ZFYVE9: variants seen among roughly 807,000 people sequenced by gnomAD.
ZFYVE9 encodes zinc finger FYVE-type containing 9.
Under a neutral mutation model 126.7 loss-of-function variants are expected in ZFYVE9, and 43 were observed. The ratio of observed to expected loss-of-function variants is 0.34; its 90% CI spans 0.27 to 0.44. The LOEUF is 0.44. Among genes scored for constraint, ZFYVE9 ranks in the 20% least tolerant of loss-of-function variants. ZFYVE9 has a pLI of 1.00. For missense variants in ZFYVE9, 1,476 were observed against 1,697.0 expected (o/e 0.87, Z 2.29); for synonymous variants, 521 against 597.4 (o/e 0.87, Z 1.87).
intron 4 of ZFYVE9, chr1:52,252,759 C>A: frequency 4.3e-6 from 2 of 465,124 alleles, no homozygotes; most frequent in South Asian, 3.3e-5. Context: ...CGACTGCTAC[C>A]ACTGTACTGG....
At chr1:52,302,886 G>C (rs934906092) in intron 12 of ZFYVE9, among the ~76,000 whole-genome samples, 1 of 152,090 alleles carries the variant, frequency 6.6e-6, no homozygotes, top group Non-Finnish European at 1.5e-5. Flanking sequence ...GAGGCAGGTG[G>C]ATCACCTGAG....
At chr1:52,273,838 AT>A (rs1312236878) in intron 7 of ZFYVE9, among the ~76,000 whole-genome samples, 21 of 145,148 alleles carry the variant, frequency 1.4e-4, no homozygotes, top group East Asian at 4.9e-4. Context: ...AAAAAAAAAA[AT>A]GAACTTCAAG....
chr1:52,178,459 G>A (rs963653659), intron 1 of ZFYVE9, among the ~76,000 whole-genome samples: 6 of 151,434 alleles, frequency 4.0e-5, no homozygotes, highest in African/African-American at 1.5e-4. Flanking sequence ...GGCCTCCTGA[G>A]TAGCTAGGAC....
intron 12 of ZFYVE9, among the ~76,000 whole-genome samples, chr1:52,300,026 C>T (rs569285334): frequency 6.6e-6 from 1 of 152,248 alleles, no homozygotes; most frequent in African/African-American, 2.4e-5. Flanking sequence ...GTAGTCCTTC[C>T]TGACTCCAGG....
chr1:52,239,614 C>T lies in ZFYVE9; in HGVS notation c.2178+19C>T. 2 of 1,595,156 alleles carry T rather than the reference C, an allele frequency of 1.3e-6. No individual in the cohort carries two copies. The highest frequency in any genetic ancestry group is 1.7e-6 in the Non-Finnish European group (2 of 1,168,496). On this transcript the variant is annotated intron_variant, in intron 4 of 18. Transcript: ENST00000287727. Reference sequence around the variant, plus strand: ...TGGGAAGGTAAGTTGCATGTATACACTCAGAAATCGGGCATGCACATTTTG... The same window carrying T: ...TGGGAAGGTAAGTTGCATGTATACATTCAGAAATCGGGCATGCACATTTTG...
intron 4 of ZFYVE9, among the ~76,000 whole-genome samples, chr1:52,243,776 A>G (rs1390744274): frequency 1.3e-5 from 2 of 151,912 alleles, no homozygotes. Flanking sequence ...AAAAAAAAAA[A>G]TGCTGATGAG....
chr1:52,308,149 C>T (rs967496770), intron 13 of ZFYVE9, among the ~76,000 whole-genome samples: 3 of 152,126 alleles, frequency 2.0e-5, no homozygotes, highest in Non-Finnish European at 2.9e-5. Flanking sequence ...TCTAATAATT[C>T]CACTTCATAG....
chr1:52,160,105 C>A (rs541469249), intron 1 of ZFYVE9, among the ~76,000 whole-genome samples: 1 of 152,012 alleles, frequency 6.6e-6, no homozygotes, highest in Non-Finnish European at 1.5e-5. Flanking sequence ...TTATCCTTGT[C>A]CTTGATTATA....
At chr1:52,290,998 T>C (rs758641759) in intron 10 of ZFYVE9, among the ~76,000 whole-genome samples, 5 of 152,186 alleles carry the variant, frequency 3.3e-5, no homozygotes, top group Non-Finnish European at 5.9e-5. Flanking sequence ...TTCAAACCCA[T>C]ATCTCTGGGA....
At chr1:52,212,088 A>G (rs1645033623) in intron 1 of ZFYVE9, among the ~76,000 whole-genome samples, 1 of 152,168 alleles carries the variant, frequency 6.6e-6, no homozygotes, top group South Asian at 2.1e-4. Context: ...TTAGATCCTT[A>G]TCTTTCCCAT....
At chr1:52,187,850 G>A (rs1276218636) in intron 1 of ZFYVE9, among the ~76,000 whole-genome samples, 1 of 152,194 alleles carries the variant, frequency 6.6e-6, no homozygotes, top group Non-Finnish European at 1.5e-5. Flanking sequence ...ATACACTGTT[G>A]GTGGGAGTGT....
At chr1:52,294,389 A>G (rs994407979) in intron 11 of ZFYVE9, among the ~76,000 whole-genome samples, 1 of 152,210 alleles carries the variant, frequency 6.6e-6, no homozygotes, top group Non-Finnish European at 1.5e-5. Flanking sequence ...AAATGAGAGA[A>G]TAAATGAAAC....
At chr1:52,304,435 G>A (rs192853542) in intron 13 of ZFYVE9, among the ~76,000 whole-genome samples, 12 of 151,730 alleles carry the variant, frequency 7.9e-5, no homozygotes, top group African/African-American at 2.9e-4. Flanking sequence ...GCTAATTTTT[G>A]TATTTTTAGT....
At chr1:52,326,693 C>CAAAAA (rs34479038) in intron 13 of ZFYVE9, among the ~76,000 whole-genome samples, 2 of 102,950 alleles carry the variant, frequency 1.9e-5, no homozygotes, top group Non-Finnish European at 3.6e-5. Context: ...TACTCAATAC[C>CAAAAA]AAAAAAAAAA....
chr1:52,296,068 C>G, intron 12 of ZFYVE9, 91 bp downstream of exon 12: 3 of 1,140,910 alleles, frequency 2.6e-6, no homozygotes, highest in Non-Finnish European at 3.8e-6. Flanking sequence ...GTAGCTGTGC[C>G]CAAGCTGCTT....
chr1:52,293,027 T>C (rs931253241), intron 10 of ZFYVE9, among the ~76,000 whole-genome samples: 14 of 152,122 alleles, frequency 9.2e-5, no homozygotes, highest in African/African-American at 2.9e-4. Context: ...AGTGAAAGAT[T>C]GGGAATTACT....
intron 13 of ZFYVE9, among the ~76,000 whole-genome samples, chr1:52,325,316 A>AT (rs1646280401): frequency 6.6e-6 from 1 of 152,134 alleles, no homozygotes; most frequent in Non-Finnish European, 1.5e-5. Context: ...CGACAGAGCG[A>AT]GACTCCATCT....
intron 7 of ZFYVE9, among the ~76,000 whole-genome samples, chr1:52,270,190 CAT>C (rs755978153): frequency 1.3e-5 from 2 of 152,218 alleles, no homozygotes; most frequent in African/African-American, 2.4e-5. Context: ...GCAATTATCA[CAT>C]GAGATGGAAA....
chr1:52,262,373 A>G (rs1320868342), intron 4 of ZFYVE9, among the ~76,000 whole-genome samples: 3 of 152,218 alleles, frequency 2.0e-5, no homozygotes, highest in Non-Finnish European at 4.4e-5. Flanking sequence ...GGTTAAATGT[A>G]ACACATGTAA....
Sources: gnomAD v4.1 joint callset for allele counts (sites outside exome capture counted in the v4.1 genomes callset) on GRCh38, gnomAD v4.1.1 for gene constraint, MANE v1.5 for transcripts, NCBI Gene and HGNC (gene_info 2026-07-23, HGNC 2026-07-21) for gene names.